ZNF25: variants seen among roughly 807,000 people sequenced by gnomAD.
The protein encoded by ZNF25 is zinc finger protein 25 (KOX 19).
In ZNF25, 21 loss-of-function variants were observed where a neutral mutation model predicts 30.9. The ratio of observed to expected loss-of-function variants is 0.68; its 90% confidence interval spans 0.48 to 0.98. The LOEUF is 0.98. Among genes scored for constraint, ZNF25 ranks in the 50% least tolerant of loss-of-function variants. The probability of loss-of-function intolerance (pLI) is 0.00; values close to 1 mark genes in which losing one functional copy is unlikely to be tolerated. For synonymous variants in ZNF25, 169 were observed against 181.3 expected (o/e 0.93, Z 0.55); for missense variants, 501 against 529.9 (o/e 0.95, Z 0.54).
intron 2 of ZNF25, among the ~76,000 whole-genome samples, chr10:37,965,651 C>A (rs2063141500): frequency 6.6e-6 from 1 of 152,076 alleles, no homozygotes; most frequent in African/African-American, 2.4e-5. Context: ...GTCCTTCAGT[C>A]TGAAATGAAA....
chr10:37,957,045 T>C lies in ZNF25; in HGVS notation c.213A>G (p.Val71=), dbSNP rs545686573. Residue 71 remains valine, a synonymous_variant, in exon 4 of 6, where the codon GTA becomes GTG. Coordinates refer to ENST00000302609, the MANE Select transcript of ZNF25 (RefSeq NM_145011.4). ...KQGKEPWILE[V]EFPHRGFPED... ...CAGGGAAGCCCCGATGTGGAAATTC[T>C]ACTTCTAATATCCATGGCTCTTTTC... is the stretch of plus-strand genomic sequence containing the variant. 9.9e-6 allele frequency: 16 copies of C among 1,613,994 alleles called. No homozygotes were observed. The highest frequency in any genetic ancestry group is 1.3e-5 in the Non-Finnish European group (15 of 1,180,002).
chr10:37,971,406 A>C (rs909582080), intron 2 of ZNF25, among the ~76,000 whole-genome samples: 47 of 152,118 alleles, frequency 3.1e-4, no homozygotes, highest in African/African-American at 1.1e-3. Flanking sequence ...CATGGTTTTC[A>C]TGCCACCAGT....
intron 1 of ZNF25, among the ~76,000 whole-genome samples, chr10:37,974,645 C>A (rs1434208446): frequency 6.6e-6 from 1 of 152,036 alleles, no homozygotes; most frequent in East Asian, 1.9e-4. Flanking sequence ...AAAGGAGAAC[C>A]CTCATACAAC....
chr10:37,972,659 A>T (rs1001226983), intron 1 of ZNF25, among the ~76,000 whole-genome samples: 1 of 152,234 alleles, frequency 6.6e-6, no homozygotes, highest in African/African-American at 2.4e-5. Context: ...CACTTCATAT[A>T]GGTAGCAAAA....
intron 2 of ZNF25, among the ~76,000 whole-genome samples, chr10:37,971,165 A>C (rs966017270): frequency 1.3e-5 from 2 of 152,012 alleles, no homozygotes; most frequent in Admixed American, 6.6e-5. Flanking sequence ...AAATACAAAA[A>C]ATTAGCTGGG....
Position 37,971,789 on chromosome 10 carries a change from T to C in ZNF25, c.-67A>G. ...AGCAGAAATCATAAGGGACCTTAGC[T>C]GGCAGCCCCAGGAATCACCTGTGAG... On this transcript the variant is annotated 5_prime_UTR_variant, in exon 2 of 6. Coordinates refer to ENST00000302609, the MANE Select transcript of ZNF25 (RefSeq NM_145011.4). 1.2e-6 allele frequency: 2 copies of C among 1,610,804 alleles called. No homozygotes were observed. Among genetic ancestry groups the C allele is most frequent in the South Asian group, 2.2e-5 (2 of 91,000 alleles).
rs773653318 is a variant in ZNF25, at chr10:37,952,228, T to C, written c.1270A>G (p.Lys424Glu). 1 of 1,614,126 alleles carries C rather than the reference T, an allele frequency of 6.2e-7. No individual in the cohort carries two copies. The highest frequency in any genetic ancestry group is 8.5e-7 in the Non-Finnish European group (1 of 1,179,994). The change falls in exon 6 of 6, where the codon AAG (lysine) becomes GAG (glutamate). Residue 424 changes from lysine to glutamate, a missense_variant. Coordinates refer to ENST00000302609, the MANE Select transcript of ZNF25 (RefSeq NM_145011.4). ...CCACACTCCTGACACTCATAGGGCT[T>C]CTCCCCTGTGTGTTTTCTCTGATGT... The part of the protein sequence containing the change: ...IIHQRKHTGE[K>E]PYECQECGET...
Position 37,969,064 on chromosome 10 carries a change from A to G in ZNF25, c.15+2644T>C, listed in dbSNP as rs1037217489. Among the ~76,000 whole-genome samples, 5 of 152,316 alleles carry G rather than the reference A, an allele frequency of 3.3e-5. No individual in the cohort carries two copies. In the East Asian group the frequency reaches 5.8e-4, roughly 18 times the overall value. ...ACTCATCTCTAAAGAAATGCAATGCAAAACCGCAACAATACCACTTCACCC... is the reference window on the plus strand; with the variant it reads ...ACTCATCTCTAAAGAAATGCAATGCGAAACCGCAACAATACCACTTCACCC... On this transcript the variant is annotated intron_variant, in intron 2 of 5. Coordinates refer to ENST00000302609, the MANE Select transcript of ZNF25 (RefSeq NM_145011.4).
chr10:37,949,707 G>GT lies in ZNF25; in HGVS notation c.*2419dup, dbSNP rs2062046930. ...AATGTAGCTGATGGAATTGGGTATT[G>GT]TAAGTTTTTTGTTATTGGGTTACGT... On this transcript the variant is annotated 3_prime_UTR_variant, in exon 6 of 6. Transcript: ENST00000302609. 6.6e-6 allele frequency: 1 copy of GT among 152,534 alleles called. No individual in the cohort carries two copies. Among genetic ancestry groups the GT allele is most frequent in the South Asian group, 2.1e-4 (1 of 4,828 alleles). 9.4% of individuals were successfully genotyped at this position (152,534 alleles called of 1,614,324 possible).
chr10:37,968,661 T>C (rs570302872), intron 2 of ZNF25, among the ~76,000 whole-genome samples: 14 of 152,294 alleles, frequency 9.2e-5, no homozygotes, highest in African/African-American at 3.4e-4. Flanking sequence ...GGCCATAAAA[T>C]GTTCTTATAA....
rs761371273 is a variant in ZNF25 at position 37,952,389 on chromosome 10, T to C, written c.1109A>G (p.Tyr370Cys). The C allele has an allele frequency of 5.0e-6, 8 of 1,614,158 alleles. No homozygotes were observed. The East Asian group carries it at 6.7e-5, about 13-fold the overall frequency. Residue 370 changes from tyrosine (Y) to cysteine (C), a missense_variant, in exon 6 of 6, where the codon TAT (tyrosine) becomes TGT (cysteine). Coordinates refer to ENST00000302609, the MANE Select transcript of ZNF25 (RefSeq NM_145011.4). ...AGATTTGCCACATTCTGTGCATTCATAGGGCTTCTCCCCTGTGTGTTTTCT... is the reference window on the plus strand; with the variant it reads ...AGATTTGCCACATTCTGTGCATTCACAGGGCTTCTCCCCTGTGTGTTTTCT... ...HQRKHTGEKP[Y>C]ECTECGKSFA...
rs2062120386 is a variant in ZNF25 at position 37,951,130 on chromosome 10, C to T, written c.*997G>A. The T allele has an allele frequency of 6.6e-6, 1 of 152,120 alleles. No individual in the cohort carries two copies. The highest frequency in any genetic ancestry group is 6.6e-5 in the Admixed American group (1 of 15,262). 9.4% of individuals were successfully genotyped at this position (152,120 alleles called of 1,614,324 possible). On this transcript the variant is annotated 3_prime_UTR_variant, in exon 6 of 6. Coordinates refer to ENST00000302609, the MANE Select transcript of ZNF25 (RefSeq NM_145011.4). ...TTGAAGGATTAGTTATTACCACTGT[C>T]TATATCCATTTACAAACACAAAAAA...
intron 2 of ZNF25, among the ~76,000 whole-genome samples, chr10:37,963,888 T>A (rs2063031437): frequency 6.6e-6 from 1 of 151,974 alleles, no homozygotes; most frequent in African/African-American, 2.4e-5. Flanking sequence ...GGGAGGAGAA[T>A]CGCTTCAACC....
chr10:37,966,284 T>A (rs1362552911), intron 2 of ZNF25, among the ~76,000 whole-genome samples: 1 of 151,884 alleles, frequency 6.6e-6, no homozygotes, highest in East Asian at 1.9e-4. Context: ...CATGGTGGCA[T>A]GCACCTATAA....
At chr10:37,959,627 T>C (rs1032794767) in intron 2 of ZNF25, among the ~76,000 whole-genome samples, 1 of 152,178 alleles carries the variant, frequency 6.6e-6, no homozygotes, top group Non-Finnish European at 1.5e-5. Flanking sequence ...TTTTTTCTTT[T>C]GAGATGGAGT....
chr10:37,972,657 A>G (rs2063554614), intron 1 of ZNF25, among the ~76,000 whole-genome samples: 1 of 152,210 alleles, frequency 6.6e-6, no homozygotes, highest in South Asian at 2.1e-4. Context: ...AGCACTTCAT[A>G]TAGGTAGCAA....
Position 37,950,723 on chromosome 10 carries a change from CT to C in ZNF25, c.*1403del, listed in dbSNP as rs1254813685. 2 of 152,128 alleles carry C rather than the reference CT, an allele frequency of 1.3e-5. No homozygotes were observed. The highest frequency in any genetic ancestry group is 2.9e-5 in the Non-Finnish European group (2 of 68,044). 9.4% of individuals were successfully genotyped at this position (152,128 alleles called of 1,614,324 possible). On this transcript the variant is annotated 3_prime_UTR_variant, in exon 6 of 6. Coordinates refer to ENST00000302609, the MANE Select transcript of ZNF25 (RefSeq NM_145011.4). ...CTAAGATGTTGTCACTATCACTACTCTTTTATGGGATGGGAACTGAGGCACA... is the reference window on the plus strand; with the variant it reads ...CTAAGATGTTGTCACTATCACTACTCTTTATGGGATGGGAACTGAGGCACA...
chr10:37,957,186 T>C, intron 3 of ZNF25, 71 bp from the exon 4 acceptor site: 1 of 1,474,730 alleles, frequency 6.8e-7, no homozygotes, highest in Non-Finnish European at 9.4e-7. Flanking sequence ...GATGAGGAAG[T>C]GGAGTTTCAG....
At chr10:37,955,819 GACT>G (rs1482699403) in intron 4 of ZNF25, among the ~76,000 whole-genome samples, 1 of 152,096 alleles carries the variant, frequency 6.6e-6, no homozygotes, top group Non-Finnish European at 1.5e-5. Flanking sequence ...GAATAGCTGG[GACT>G]ACAGGTGTGC....
Sources: gnomAD v4.1 joint callset for allele counts (sites outside exome capture counted in the v4.1 genomes callset) on GRCh38, gnomAD v4.1.1 for gene constraint, MANE v1.5 for transcripts, NCBI Gene and HGNC (gene_info 2026-07-23, HGNC 2026-07-21) for gene names.